UPF2: variants seen among roughly 807,000 people sequenced by gnomAD.
UPF2 encodes the protein regulator of nonsense transcripts 2.
UPF2 carries 17 observed loss-of-function variants against 141.4 expected under a neutral mutation model. The ratio of observed to expected loss-of-function variants is 0.12; its 90% CI spans 0.08 to 0.18. The LOEUF is 0.18. Among genes scored for constraint, UPF2 ranks in the 10% least tolerant of loss-of-function variants. The pLI is 1.00. For missense variants in UPF2, 1,152 were observed against 1,515.9 expected, an observed-to-expected ratio of 0.76 and a Z score of 3.99; for synonymous variants, 540 against 498.0, an observed-to-expected ratio of 1.08 and a Z score of -1.12.
At position 11,920,683 on chromosome 10, in the gene UPF2, C is replaced by T; in HGVS notation, c.*615G>A. 8.2e-6 allele frequency: 2 copies of T among 242,824 alleles called. No homozygotes were observed. The highest frequency in any genetic ancestry group is 1.6e-3 in the Middle Eastern group (1 of 614). 15.0% of individuals were successfully genotyped at this position (242,824 alleles called of 1,614,324 possible). ...TCTGATGGATAAAACGGATTTTTCT[C>T]CCTCATCCCTTGTTCCTCTTGAAAC... On this transcript the variant is annotated 3_prime_UTR_variant, in exon 22 of 22. Transcript: ENST00000357604.
At position 11,998,849 on chromosome 10, in the gene UPF2, G is replaced by A. The variant is rs1169598247; in HGVS notation, c.1758+1057C>T. On this transcript the variant is annotated intron_variant, in intron 7 of 21. Transcript: ENST00000357604. This position sits in a 1 kb window ranked among gnomAD's most constrained non-coding sequence, Gnocchi z 4.5. ...AGCCTGGGCAACAGAGCAAGACTCC[G>A]TCTCAAAAAAATAAAAAATAAAAAG... Among the ~76,000 whole-genome samples, 5 of 148,778 alleles carry A rather than the reference G, an allele frequency of 3.4e-5. No homozygotes were observed. The highest frequency in any genetic ancestry group is 2.1e-4 in the South Asian group (1 of 4,658).
chr10:11,965,245 ATATTTT>A (rs1384038126), intron 10 of UPF2, among the ~76,000 whole-genome samples: 1 of 152,170 alleles, frequency 6.6e-6, no homozygotes, highest in African/African-American at 2.4e-5. Context: ...TTCTTCCTAT[ATATTTT>A]TAAGAATTAG....
intron 4 of UPF2, among the ~76,000 whole-genome samples, chr10:12,005,305 T>A (rs529761412): frequency 2.6e-5 from 4 of 152,164 alleles, no homozygotes; most frequent in Non-Finnish European, 5.9e-5. Context: ...TAAAGAGAGT[T>A]TATTCAATTG....
intron 3 of UPF2, among the ~76,000 whole-genome samples, chr10:12,015,571 G>A (rs1374347739): frequency 3.3e-5 from 5 of 152,042 alleles, no homozygotes; most frequent in Admixed American, 2.0e-4. Context: ...GTGCAGTGGC[G>A]GGCACCTGTA....
At chr10:11,963,508 A>C (rs1285537696) in intron 11 of UPF2, among the ~76,000 whole-genome samples, 1 of 152,178 alleles carries the variant, frequency 6.6e-6, no homozygotes, top group Non-Finnish European at 1.5e-5. Context: ...GGCTAGTTCT[A>C]AAATGTGTTT....
At chr10:11,994,773 G>A (rs1833837564) in intron 8 of UPF2, among the ~76,000 whole-genome samples, 1 of 151,742 alleles carries the variant, frequency 6.6e-6, no homozygotes, top group African/African-American at 2.4e-5. Context: ...TCAGGAGATC[G>A]AAACCATCCT....
intron 9 of UPF2, among the ~76,000 whole-genome samples, chr10:11,970,876 AG>A (rs1353468930): frequency 6.6e-6 from 1 of 151,070 alleles, no homozygotes; most frequent in Non-Finnish European, 1.5e-5. Flanking sequence ...TAGGGTCAGT[AG>A]GGTTGGGAAA....
chr10:11,943,119 T>A lies in UPF2; in HGVS notation c.3224A>T (p.Asn1075Ile), dbSNP rs760049671. ...ATTGGAATCTGTAAGGTAATCTGTA[T>A]TCTCTTCCTCCTCTTCTTCTCCCTC... ...DDEGEEEEEE[N>I]TDYLTDSNKE... The change falls in exon 17 of 22, where the codon AAT becomes ATT. Residue 1075 changes from asparagine to isoleucine, a missense_variant. Asn to Ile is a moderately radical substitution (Grantham distance 149). This residue lies in a region of UPF2 where 202 missense variants were observed against 223.6 expected (regional missense o/e 0.90). Coordinates refer to ENST00000357604, the MANE Select transcript of UPF2 (RefSeq NM_015542.4). 1.2e-6 allele frequency: 2 copies of A among 1,612,382 alleles called. No individual in the cohort carries two copies. Among genetic ancestry groups the A allele is most frequent in the African/African-American group, 2.7e-5 (2 of 75,034 alleles).
At chr10:12,021,575 A>G (rs1402449932) in intron 3 of UPF2, among the ~76,000 whole-genome samples, 1 of 152,182 alleles carries the variant, frequency 6.6e-6, no homozygotes, top group Non-Finnish European at 1.5e-5. Flanking sequence ...TGATATTTTC[A>G]TGAGAAAAAA....
chr10:11,986,776 C>T (rs990128751), intron 8 of UPF2, among the ~76,000 whole-genome samples: 3 of 152,182 alleles, frequency 2.0e-5, no homozygotes, highest in Non-Finnish European at 4.4e-5. Flanking sequence ...CTGTTTCCAA[C>T]ACAACAGCGC....
intron 10 of UPF2, among the ~76,000 whole-genome samples, chr10:11,966,608 G>A (rs907940362): frequency 6.6e-6 from 1 of 152,098 alleles, no homozygotes; most frequent in African/African-American, 2.4e-5. Flanking sequence ...ATTTTTAGTA[G>A]AGACGGGGTT....
intron 18 of UPF2, among the ~76,000 whole-genome samples, chr10:11,938,853 G>GGTTTTTTTTTT (rs1832889411): frequency 2.5e-5 from 2 of 79,816 alleles, no homozygotes; most frequent in Non-Finnish European, 4.7e-5. Context: ...TTTTTTTTTT[G>GGTTTTTTTTTT]TTTTTTTTTT....
rs1271099921 is a variant in UPF2, at chr10:12,035,363, T to C, written c.61A>G (p.Lys21Glu). ...MEEKDSLPNN[K>E]EKDCSERRTV... ...CGCCTTTCACTGCAGTCTTTTTCCT[T>C]GTTGTTTGGTAAAGAGTCTTTTTCT... The change falls in exon 2 of 22, where the codon AAG becomes GAG. Residue 21 changes from lysine (K) to glutamate (E), a missense_variant. Lys to Glu is a moderately conservative substitution (Grantham distance 56). This residue lies in a region of UPF2 where 145 missense variants were observed against 136.5 expected (regional missense o/e 1.06). Coordinates refer to ENST00000357604, the MANE Select transcript of UPF2 (RefSeq NM_015542.4). The C allele has an allele frequency of 3.1e-6, 5 of 1,603,850 alleles. No homozygotes were observed. Among genetic ancestry groups the C allele is most frequent in the Non-Finnish European group, 4.2e-6 (5 of 1,177,640 alleles).
intron 8 of UPF2, among the ~76,000 whole-genome samples, chr10:11,985,629 A>T (rs1326775075): frequency 6.6e-6 from 1 of 150,642 alleles, no homozygotes; most frequent in African/African-American, 2.4e-5. Context: ...TCCAAAAAAA[A>T]AAAAAAACAA....
At position 12,035,428 on chromosome 10, in the gene UPF2, T is replaced by C. The variant is rs777921595; in HGVS notation, c.-5A>G. The C allele has an allele frequency of 3.2e-6, 5 of 1,565,916 alleles. No individual in the cohort carries two copies. The highest frequency in any genetic ancestry group is 2.4e-5 in the South Asian group (2 of 81,736). On this transcript the variant is annotated 5_prime_UTR_variant, in exon 2 of 22. Coordinates refer to ENST00000357604, the MANE Select transcript of UPF2 (RefSeq NM_015542.4). ...CTTTTTACGCTCAGCTGGCATTATG[T>C]GACCCAGGACAATCTGTAAGAGGGA...
intron 7 of UPF2, among the ~76,000 whole-genome samples, chr10:11,999,512 C>CAAAA (rs1325502291): frequency 2.6e-4 from 26 of 100,288 alleles, no homozygotes; most frequent in Non-Finnish European, 3.1e-4. Context: ...GACTCCATCT[C>CAAAA]AAAAAAAAAA....
At chr10:12,017,438 T>G (rs986387881) in intron 3 of UPF2, among the ~76,000 whole-genome samples, 1 of 152,192 alleles carries the variant, frequency 6.6e-6, no homozygotes, top group African/African-American at 2.4e-5. Context: ...TTTTCCTCAC[T>G]TTCACGTGTG....
chr10:11,996,746 T>C (rs555574947), intron 8 of UPF2, among the ~76,000 whole-genome samples: 3 of 152,300 alleles, frequency 2.0e-5, no homozygotes, highest in Admixed American at 6.5e-5. Context: ...TCCCTCTCCC[T>C]TGCCCCACTA....
chr10:12,032,333 T>C (rs543343535), intron 2 of UPF2, among the ~76,000 whole-genome samples: 1 of 150,426 alleles, frequency 6.6e-6, no homozygotes, highest in Non-Finnish European at 1.5e-5. Flanking sequence ...AAAGAAAGTA[T>C]GTACATACAT....
Sources: gnomAD v4.1 joint callset for allele counts (sites outside exome capture counted in the v4.1 genomes callset) on GRCh38, gnomAD v4.1.1 for gene constraint, gnomAD v4.1.1 regional missense constraint, Gnocchi (gnomAD v3.1) non-coding constraint, MANE v1.5 for transcripts, NCBI Gene and HGNC (gene_info 2026-07-23, HGNC 2026-07-21) for gene names.